Variants in RYR2 observed in about 807,000 individuals in gnomAD.
The protein encoded by RYR2 is cardiac muscle ryanodine receptor-calcium release channel.
Under a neutral mutation model 601.1 loss-of-function variants are expected in RYR2, and 227 were observed. The ratio of observed to expected loss-of-function variants is 0.38; its 90% CI spans 0.34 to 0.42. RYR2 has a LOEUF of 0.42. Ranked by LOEUF, RYR2 falls within the 10% of genes least tolerant of loss-of-function variation. RYR2 has a pLI of 1.00. For missense variants in RYR2, 4,646 were observed against 6,156.5 expected (o/e 0.75, Z 8.21); for synonymous variants, 2,223 against 2,175.1 (o/e 1.02, Z -0.61).
At chr1:237,465,373 A>G (rs1318273125) in intron 16 of RYR2, among the ~76,000 whole-genome samples, 7 of 152,140 alleles carry the variant, frequency 4.6e-5, no homozygotes, top group Non-Finnish European at 1.0e-4. Flanking sequence ...ATAAACTTAT[A>G]TAATATTTTT....
intron 29 of RYR2, among the ~76,000 whole-genome samples, chr1:237,578,916 T>G (rs777267559): frequency 4.6e-5 from 7 of 152,162 alleles, no homozygotes; most frequent in Non-Finnish European, 1.0e-4. Flanking sequence ...GGAGAAATGG[T>G]CTCTTCCTTG....
chr1:237,700,060 T>G (rs2149030333), intron 64 of RYR2, among the ~76,000 whole-genome samples, 169 bp from the exon 65 acceptor site: 1 of 152,348 alleles, frequency 6.6e-6, no homozygotes, highest in African/African-American at 2.4e-5. Flanking sequence ...AGAGCAGTAT[T>G]GCTGTAACTT....
intron 35 of RYR2, among the ~76,000 whole-genome samples, chr1:237,605,101 C>T (rs1447898943): frequency 6.6e-6 from 1 of 152,154 alleles, no homozygotes; most frequent in Non-Finnish European, 1.5e-5. Flanking sequence ...ATACCAAAGC[C>T]TGGCAGAGAC....
Position 237,550,663 on chromosome 1 carries a change from C to T in RYR2, c.3186C>T (p.Tyr1062=), listed in dbSNP as rs769118965. ...EAVRTLLGYG[Y]NLEAPDQDHA... is the part of the protein sequence containing the mutation. ...TGCGCACGCTGCTGGGGTACGGCTA[C>T]AACTTGGAAGCACCAGATCAAGATC... The change falls in exon 27 of 105, where the codon TAC becomes TAT. Residue 1062 remains tyrosine, a synonymous_variant. Coordinates refer to ENST00000366574, the MANE Select transcript of RYR2 (RefSeq NM_001035.3). 2 of 1,563,174 alleles carry T rather than the reference C, an allele frequency of 1.3e-6. No individual in the cohort carries two copies. The highest frequency in any genetic ancestry group is 2.4e-5 in the South Asian group (2 of 84,750).
At chr1:237,744,490 T>C (rs1319271533) in intron 80 of RYR2, among the ~76,000 whole-genome samples, 2 of 151,956 alleles carry the variant, frequency 1.3e-5, no homozygotes, top group Non-Finnish European at 2.9e-5. Context: ...ACCTCATCTC[T>C]ACTAAAAATA....
chr1:237,486,257 G>A lies in RYR2; in HGVS notation c.1709-5549G>A, dbSNP rs1662673917. The stretch of plus-strand genomic sequence containing the variant: ...GACATTCTCATTGAAATGTCCAGAA[G>A]ATAATTAGGAGATGATATTTGAAAT... On this transcript the variant is annotated intron_variant, in intron 17 of 104. Transcript: ENST00000366574. Among the ~76,000 whole-genome samples, 5 of 152,254 alleles carry A rather than the reference G, an allele frequency of 3.3e-5. No individual in the cohort carries two copies. The South Asian group carries it at 8.3e-4, about 25-fold the overall frequency.
chr1:237,542,320 C>T (rs1445516645), intron 25 of RYR2, among the ~76,000 whole-genome samples: 1 of 151,926 alleles, frequency 6.6e-6, no homozygotes, highest in Non-Finnish European at 1.5e-5. Flanking sequence ...CTCAAACTCC[C>T]GACCTTAGGT....
chr1:237,343,824 T>G (rs989454508), intron 3 of RYR2, among the ~76,000 whole-genome samples: 8 of 150,662 alleles, frequency 5.3e-5, no homozygotes, highest in African/African-American at 1.7e-4. Flanking sequence ...GTTTTTTGTT[T>G]TTTTTTTTTT....
At chr1:237,526,381 T>A (rs995409384) in intron 24 of RYR2, among the ~76,000 whole-genome samples, 4 of 151,978 alleles carry the variant, frequency 2.6e-5, no homozygotes, top group African/African-American at 9.7e-5. Flanking sequence ...AGAGTCTCAC[T>A]CTGTAGCCCA....
intron 73 of RYR2, among the ~76,000 whole-genome samples, chr1:237,722,436 ATTT>A (rs779062659): frequency 7.1e-6 from 1 of 141,172 alleles, no homozygotes. Context: ...AGTATTTTTA[ATTT>A]TTTTTTTTTT....
At chr1:237,712,499 A>C (rs1362339732) in intron 71 of RYR2, among the ~76,000 whole-genome samples, 1 of 152,024 alleles carries the variant, frequency 6.6e-6, no homozygotes, top group East Asian at 1.9e-4. Flanking sequence ...GCAAATCTCC[A>C]AGATGTCAGA....
chr1:237,623,735 C>T (rs753991623), intron 38 of RYR2, 30 bp from the exon 39 acceptor site: 1 of 1,419,806 alleles, frequency 7.0e-7, no homozygotes, highest in South Asian at 1.2e-5. Flanking sequence ...CTTCCTCCTT[C>T]TTCCTCTTTC....
intron 1 of RYR2, among the ~76,000 whole-genome samples, chr1:237,234,318 A>G (rs920436472): frequency 2.0e-5 from 3 of 152,148 alleles, no homozygotes; most frequent in Admixed American, 6.6e-5. Flanking sequence ...ATCTTCCTCT[A>G]TCATCCCCCA....
intron 4 of RYR2, among the ~76,000 whole-genome samples, chr1:237,359,098 T>C (rs1228345373): frequency 1.3e-5 from 2 of 152,140 alleles, no homozygotes; most frequent in Non-Finnish European, 2.9e-5. Flanking sequence ...GTTGAAAATA[T>C]CGTAAGCCAA....
rs1558324517 is a variant in RYR2 at position 237,742,269 on chromosome 1, CCTTT to C, written c.11092-26_11092-23del. ...CTAAAATCTCAACATATTCCTGTCTCCTTTTTTTTTTTTTTTAAATATACAGAGT... is the reference window on the plus strand; with the variant it reads ...CTAAAATCTCAACATATTCCTGTCTCTTTTTTTTTTTTAAATATACAGAGT... On this transcript the variant is annotated intron_variant, in intron 79 of 104. Transcript: ENST00000366574. The C allele has an allele frequency of 2.0e-5, 26 of 1,283,938 alleles. No homozygotes were observed. The African/African-American group carries it at 3.7e-4, about 18-fold the overall frequency. The allele number at this position is 1,283,938 out of a possible 1,614,324, so 79.5% of individuals were successfully genotyped here.
intron 1 of RYR2, among the ~76,000 whole-genome samples, chr1:237,216,921 A>G (rs1013362906): frequency 2.0e-5 from 3 of 152,332 alleles, no homozygotes; most frequent in East Asian, 1.9e-4. Flanking sequence ...TGGCTATTCA[A>G]TAAATATTTA....
chr1:237,808,664 A>AAACAAAAT (rs1553335682), intron 99 of RYR2, among the ~76,000 whole-genome samples: 5 of 150,578 alleles, frequency 3.3e-5, no homozygotes, highest in African/African-American at 1.2e-4. Flanking sequence ...CAAAAAAAAA[A>AAACAAAAT]AAAACAAAAT....
intron 1 of RYR2, among the ~76,000 whole-genome samples, chr1:237,150,870 T>A (rs1232140280): frequency 1.3e-5 from 2 of 152,180 alleles, no homozygotes; most frequent in Non-Finnish European, 2.9e-5. Context: ...GTCTACTTAA[T>A]TCCAAGTGCT....
At chr1:237,384,253 C>A (rs1003784364) in intron 8 of RYR2, among the ~76,000 whole-genome samples, 4 of 152,162 alleles carry the variant, frequency 2.6e-5, no homozygotes, top group Non-Finnish European at 4.4e-5. Context: ...TATCTTCAGG[C>A]ATAGATATGA....
Sources: allele counts gnomAD v4.1 joint callset (sites outside exome capture counted in the v4.1 genomes callset), GRCh38; gene constraint gnomAD v4.1.1; transcripts MANE v1.5; gene names NCBI Gene and HGNC (gene_info 2026-07-23, HGNC 2026-07-21).